The following TNRC6C variants were observed in gnomAD, a reference collection of about 807,000 sequenced individuals.
The protein encoded by TNRC6C is trinucleotide repeat containing adaptor 6C, also known as trinucleotide repeat-containing gene 6C protein.
TNRC6C carries 20 observed loss-of-function variants against 153.7 expected under a neutral mutation model. The observed-to-expected ratio is 0.13, with a 90% CI of 0.09 to 0.19. TNRC6C has a LOEUF of 0.19. TNRC6C is among the 10% of genes least tolerant of loss of function. The probability of loss-of-function intolerance (pLI) is 1.00; values close to 1 mark genes in which losing one functional copy is unlikely to be tolerated. For synonymous variants in TNRC6C, 811 were observed against 841.4 expected, an observed-to-expected ratio of 0.96 and a Z score of 0.63; for missense variants, 1,987 against 2,172.0, an observed-to-expected ratio of 0.91 and a Z score of 1.69.
intron 13 of TNRC6C, among the ~76,000 whole-genome samples, chr17:78,088,959 C>CT (rs59304499): frequency 0.012 from 1,063 of 86,698 alleles, 147 homozygotes; most frequent in Non-Finnish European, 0.017. Flanking sequence ...CTTATCGTTA[C>CT]TTTTTTTTTT....
At chr17:78,083,014 A>G (rs1349717672) in intron 10 of TNRC6C, 33 bp from the exon 13 acceptor site, 1 of 1,610,802 alleles carries the variant, frequency 6.2e-7, no homozygotes, top group Non-Finnish European at 8.5e-7. Flanking sequence ...TAACAGAGAT[A>G]CAACGGCTAA....
At chr17:77,961,433 G>A (rs1295526515) in intron 1 of TNRC6C, among the ~76,000 whole-genome samples, 4 of 152,204 alleles carry the variant, frequency 2.6e-5, no homozygotes, top group Admixed American at 2.6e-4. Context: ...TGGGATTACA[G>A]GCGTGAGCCA....
rs191172985 is a variant in TNRC6C at position 77,967,656 on chromosome 17, A to C, written c.-38+8388A>C. 3.2e-3 allele frequency among the ~76,000 whole-genome samples: 481 copies of C among 152,294 alleles called. 2 individuals carry two copies. Among genetic ancestry groups the C allele is most frequent in the African/African-American group, 0.011 (440 of 41,558 alleles). ...TGGGCACTGCCAATAAGTGCCACTG[A>C]CCCAATCATGAAAAAACAATGTGTG... On this transcript the variant is annotated intron_variant, in intron 1 of 22. Coordinates refer to the TNRC6C transcript ENST00000636222.
intron 18 of TNRC6C, among the ~76,000 whole-genome samples, chr17:78,102,993 A>C (rs1264215393): frequency 6.6e-6 from 1 of 152,142 alleles, no homozygotes; most frequent in Non-Finnish European, 1.5e-5. Flanking sequence ...ACATTTTTTA[A>C]AAGAGTCGTT....
At chr17:78,014,120 C>G (rs2071686435) in intron 1 of TNRC6C, among the ~76,000 whole-genome samples, 2 of 152,082 alleles carry the variant, frequency 1.3e-5, no homozygotes. Flanking sequence ...TTTATCAGTC[C>G]TGGGAGAACA....
At chr17:78,060,732 C>G (rs2072751381) in intron 3 of TNRC6C, among the ~76,000 whole-genome samples, 1 of 152,132 alleles carries the variant, frequency 6.6e-6, no homozygotes, top group Admixed American at 6.5e-5. Flanking sequence ...TAATTAATTA[C>G]AATTGGCCAC....
chr17:78,051,124 A>C, exon 3 of TNRC6C: 1 of 1,584,616 alleles, frequency 6.3e-7, no homozygotes, highest in Non-Finnish European at 8.6e-7. Flanking sequence ...TGTGAAACAG[A>C]CAGGAACAGG....
chr17:78,106,780 A>AAT (rs1555648722), exon 20 of TNRC6C: 14 of 151,942 alleles, frequency 9.2e-5, no homozygotes, highest in Admixed American at 9.2e-4. Context: ...TGTTTTAAAA[A>AAT]ATATATATAT....
chr17:78,039,716 C>T (rs144331944), intron 2 of TNRC6C, among the ~76,000 whole-genome samples: 5 of 152,184 alleles, frequency 3.3e-5, no homozygotes, highest in African/African-American at 1.2e-4. Context: ...GCATCCAGAG[C>T]AGACAGGGCA....
chr17:77,998,580 C>A lies in TNRC6C; in HGVS notation c.-37-5590C>A, dbSNP rs527981827. 1.6e-3 allele frequency among the ~76,000 whole-genome samples: 243 copies of A among 152,274 alleles called. 4 individuals are homozygous for A. The highest frequency in any genetic ancestry group is 2.0e-3 in the Non-Finnish European group (134 of 68,018). On this transcript the variant is annotated intron_variant, in intron 1 of 22. Coordinates refer to the TNRC6C transcript ENST00000636222. ...CTCTGTTAAGTTCACGTACTCTTTC[C>A]TCTTTCATGTCCATTCTTCTCTTGA...
chr17:78,098,358 T>C, exon 17 of TNRC6C: 1 of 1,611,884 alleles, frequency 6.2e-7, no homozygotes, highest in Non-Finnish European at 8.5e-7. Context: ...CTGTCAGACA[T>C]CAAATCGACG....
At chr17:78,076,694 G>A (rs950580186) in intron 8 of TNRC6C, among the ~76,000 whole-genome samples, 94 of 152,192 alleles carry the variant, frequency 6.2e-4, no homozygotes, top group African/African-American at 2.2e-3. Context: ...GACCTCAGTA[G>A]ATGTTAAAAA....
At chr17:78,087,582 T>A (rs539516826) in intron 13 of TNRC6C, among the ~76,000 whole-genome samples, 107 of 152,318 alleles carry the variant, frequency 7.0e-4, no homozygotes, top group Non-Finnish European at 1.2e-3. Flanking sequence ...CTGTTCCTAG[T>A]CTACTCTGAA....
chr17:78,071,030 G>C, intron 5 of TNRC6C, 55 bp from the exon 8 acceptor site: 1 of 1,512,440 alleles, frequency 6.6e-7, no homozygotes, highest in Non-Finnish European at 9.0e-7. Context: ...ATTTCTGGTA[G>C]AAATGCATTA....
chr17:77,975,496 C>A (rs1277838798), intron 1 of TNRC6C, among the ~76,000 whole-genome samples: 1 of 152,056 alleles, frequency 6.6e-6, no homozygotes, highest in African/African-American at 2.4e-5. Flanking sequence ...AATGGGGAGA[C>A]CTCCCTTATA....
intron 2 of TNRC6C, among the ~76,000 whole-genome samples, chr17:78,037,276 G>A (rs1425425468): frequency 3.9e-5 from 6 of 152,210 alleles, no homozygotes; most frequent in East Asian, 1.9e-4. Context: ...CTTTCAGAAC[G>A]GTGGTTTTGT....
At position 78,079,462 on chromosome 17, in the gene TNRC6C, C is replaced by T. The variant is rs771422807; in HGVS notation, c.3278C>T (p.Pro1093Leu). The change falls in exon 10 of 20, where the codon CCG (proline) becomes CTG (leucine). Residue 1093 changes from proline to leucine, a missense_variant. Physicochemically the swap from Pro to Leu is moderately conservative, Grantham distance 98. Transcript: ENST00000301624. The surrounding 1 kb of genome is among the most constrained non-coding windows in gnomAD (Gnocchi z 4.3). ...GCACAAGCCAGGACCATGCAGCAGC[C>T]GCCACAGCCACCAGTGCAGCCTCTT... 5.6e-6 allele frequency: 9 copies of T among 1,613,788 alleles called. No homozygotes were observed. The highest frequency in any genetic ancestry group is 2.2e-5 in the South Asian group (2 of 91,082).
At chr17:78,108,621 G>A (rs916492799) in exon 20 of TNRC6C, 6 of 154,964 alleles carry the variant, frequency 3.9e-5, no homozygotes, top group Non-Finnish European at 5.9e-5. Flanking sequence ...TGACAGACTG[G>A]GAACTCGGGG....
intron 10 of TNRC6C, among the ~76,000 whole-genome samples, chr17:78,082,817 G>A (rs192570702): frequency 1.3e-5 from 2 of 152,184 alleles, no homozygotes; most frequent in East Asian, 1.9e-4. Flanking sequence ...CACATCACGC[G>A]CTGTTGGCTC....
Sources: allele counts gnomAD v4.1 joint callset (sites outside exome capture counted in the v4.1 genomes callset), GRCh38; gene constraint gnomAD v4.1.1; non-coding constraint Gnocchi (gnomAD v3.1); transcripts MANE v1.5; gene names NCBI Gene and HGNC (gene_info 2026-07-23, HGNC 2026-07-21).